Variants in NPC1 observed in about 807,000 individuals in gnomAD.
The protein encoded by NPC1 is NPC intracellular cholesterol transporter 1.
A neutral mutation model predicts 140.4 loss-of-function variants in NPC1; 85 were observed. The ratio of observed to expected loss-of-function variants is 0.61; its 90% CI spans 0.51 to 0.72. The LOEUF is 0.72. NPC1 is among the 30% of genes least tolerant of loss of function. The pLI is 0.00. For missense variants in NPC1, 1,504 were observed against 1,623.8 expected, an observed-to-expected ratio of 0.93 and a Z score of 1.27; for synonymous variants, 656 against 624.8, an observed-to-expected ratio of 1.05 and a Z score of -0.74.
At chr18:23,567,563 T>C (rs1429048475) in intron 4 of NPC1, among the ~76,000 whole-genome samples, 1 of 152,188 alleles carries the variant, frequency 6.6e-6, no homozygotes, top group Non-Finnish European at 1.5e-5. Flanking sequence ...TTGCAAATAC[T>C]TTCTCCCAGT....
downstream of NPC1, among the ~76,000 whole-genome samples, chr18:23,530,968 A>G (rs771302530): frequency 6.6e-6 from 1 of 152,112 alleles, no homozygotes; most frequent in Non-Finnish European, 1.5e-5. Flanking sequence ...TTAAGGTTTC[A>G]GTTTTATGAA....
At chr18:23,511,309 C>T (rs758133822) in intron 3 of NPC1, among the ~76,000 whole-genome samples, 28 of 146,232 alleles carry the variant, frequency 1.9e-4, no homozygotes, top group African/African-American at 6.4e-4. Context: ...ACAACAGACA[C>T]GGGGGGCTAC....
At chr18:23,533,763 C>T (rs1444082994) in intron 23 of NPC1, 3 of 497,470 alleles carry the variant, frequency 6.0e-6, no homozygotes, top group Non-Finnish European at 1.1e-5. Context: ...GCCTTGGCCT[C>T]CCAAAGTGCT....
intron 1 of NPC1, among the ~76,000 whole-genome samples, chr18:23,575,096 C>T (rs1212515545): frequency 6.6e-6 from 1 of 152,218 alleles, no homozygotes; most frequent in Non-Finnish European, 1.5e-5. Flanking sequence ...TGGCCTGTCT[C>T]TGCCTCAGGG....
At chr18:23,580,680 G>A (rs1028153496) in intron 1 of NPC1, among the ~76,000 whole-genome samples, 2 of 152,228 alleles carry the variant, frequency 1.3e-5, no homozygotes, top group African/African-American at 4.8e-5. Flanking sequence ...CGATGGAGGA[G>A]AGGGGCTTGC....
chr18:23,572,559 T>C (rs2059218724), intron 2 of NPC1, among the ~76,000 whole-genome samples: 2 of 152,144 alleles, frequency 1.3e-5, no homozygotes, highest in African/African-American at 4.8e-5. Flanking sequence ...TGAGGACAGG[T>C]ACTGTGGCTC....
At chr18:23,572,593 G>A (rs2059219030) in intron 2 of NPC1, among the ~76,000 whole-genome samples, 1 of 152,194 alleles carries the variant, frequency 6.6e-6, no homozygotes, top group South Asian at 2.1e-4. Context: ...CAGTACTTAG[G>A]AAGGCTGAGG....
At chr18:23,563,987 GTT>G (rs71163619) in intron 4 of NPC1, among the ~76,000 whole-genome samples, 7 of 102,586 alleles carry the variant, frequency 6.8e-5, no homozygotes, top group Admixed American at 1.2e-4. Context: ...AGTAGTAAGA[GTT>G]TTTTTTTTTT....
chr18:23,559,116 C>T (rs577525182), intron 6 of NPC1, among the ~76,000 whole-genome samples: 17 of 152,284 alleles, frequency 1.1e-4, no homozygotes, highest in Admixed American at 6.5e-5. Flanking sequence ...TTAATCCAGT[C>T]TATCGTTGTT....
chr18:23,515,811 T>G (rs1391444348), intron 3 of NPC1: 1 of 1,611,304 alleles, frequency 6.2e-7, no homozygotes, highest in Non-Finnish European at 8.5e-7. Context: ...GGGATTAGTT[T>G]GCCGTTTTTT....
intron 3 of NPC1, chr18:23,516,029 T>C: frequency 6.2e-7 from 1 of 1,613,760 alleles, no homozygotes; most frequent in South Asian, 1.1e-5. Flanking sequence ...AAAAACACCT[T>C]TCCCCAGTTG....
intron 1 of NPC1, among the ~76,000 whole-genome samples, chr18:23,578,548 T>C (rs1249910311): frequency 6.6e-6 from 1 of 152,138 alleles, no homozygotes; most frequent in East Asian, 1.9e-4. Flanking sequence ...CAGGCCTGCC[T>C]CTGCAGCTGC....
At chr18:23,530,332 A>G (rs1461865613), downstream of NPC1, 20 of 1,613,946 alleles carry the variant, frequency 1.2e-5, no homozygotes, top group East Asian at 2.2e-5. Flanking sequence ...GACTATGGAA[A>G]CTAACTCTGT....
downstream of NPC1, chr18:23,530,472 T>G (rs755489679): frequency 6.2e-7 from 1 of 1,614,282 alleles, no homozygotes; most frequent in East Asian, 2.2e-5. Flanking sequence ...ATCCGGGGCA[T>G]TGGTGGCCAT....
At chr18:23,524,489 C>T, downstream of NPC1, 1 of 1,613,654 alleles carries the variant, frequency 6.2e-7, no homozygotes, top group Non-Finnish European at 8.5e-7. Flanking sequence ...CAAGGTAGGT[C>T]AGCGGGGACA....
chr18:23,577,963 A>T (rs2059311592), intron 1 of NPC1, among the ~76,000 whole-genome samples: 1 of 152,212 alleles, frequency 6.6e-6, no homozygotes, highest in Non-Finnish European at 1.5e-5. Flanking sequence ...CCGGAACTCC[A>T]GCTGGCCCGC....
intron 21 of NPC1, 40 bp downstream of exon 21, chr18:23,536,633 C>G: frequency 6.3e-7 from 1 of 1,581,460 alleles, no homozygotes; most frequent in South Asian, 1.1e-5. Context: ...AGTGTAGGCC[C>G]TTTGCTGGGT....
At chr18:23,525,835 A>G (rs1394855714), downstream of NPC1, among the ~76,000 whole-genome samples, 1 of 151,978 alleles carries the variant, frequency 6.6e-6, no homozygotes, top group Non-Finnish European at 1.5e-5. Context: ...TCCTCTGTGT[A>G]TTTTCCTGCC....
downstream of NPC1, among the ~76,000 whole-genome samples, chr18:23,525,574 G>A (rs1425892782): frequency 5.3e-5 from 8 of 152,076 alleles, no homozygotes; most frequent in Non-Finnish European, 1.0e-4. Flanking sequence ...ACAGGCATGC[G>A]CCACCACACC....
Sources: allele counts gnomAD v4.1 joint callset (sites outside exome capture counted in the v4.1 genomes callset), GRCh38; gene constraint gnomAD v4.1.1; transcripts MANE v1.5; gene names NCBI Gene and HGNC (gene_info 2026-07-23, HGNC 2026-07-21).